The following RGS3 variants were observed in gnomAD, a reference collection of about 807,000 sequenced individuals.
RGS3 encodes regulator of G protein signaling 3, also known as regulator of G-protein signalling 3.
A neutral mutation model predicts 132.6 loss-of-function variants in RGS3; 80 were observed. The ratio of observed to expected loss-of-function variants is 0.60; its 90% CI spans 0.50 to 0.73. The LOEUF (loss-of-function observed/expected upper bound fraction) is 0.73, where lower values mean the gene tolerates loss of function less well. Ranked by LOEUF, RGS3 falls within the 30% of genes least tolerant of loss-of-function variation. The pLI is 0.00. For missense variants in RGS3, 1,382 were observed against 1,530.8 expected, an observed-to-expected ratio of 0.90 and a Z score of 1.62; for synonymous variants, 598 against 620.6, an observed-to-expected ratio of 0.96 and a Z score of 0.54.
At chr9:113,581,906 T>C in intron 19 of RGS3, 1 of 398,156 alleles carries the variant, frequency 2.5e-6, no homozygotes, top group Non-Finnish European at 3.4e-6. Context: ...GCCTAAGGCG[T>C]GCCCTTCCCG....
At chr9:113,479,385 T>C in intron 3 of RGS3, 106 bp from the exon 2 acceptor site, 1 of 1,148,254 alleles carries the variant, frequency 8.7e-7, no homozygotes, top group Non-Finnish European at 1.3e-6. Flanking sequence ...AGTCTTTGAA[T>C]GGCTTCACAT....
intron 7 of RGS3, among the ~76,000 whole-genome samples, chr9:113,491,270 A>AT (rs890202799): frequency 6.7e-6 from 1 of 148,860 alleles, no homozygotes; most frequent in African/African-American, 2.5e-5. Flanking sequence ...TTTTAAAGTA[A>AT]TTTTTTTTTC....
In RGS3 at chr9:113,484,327, C is replaced by CAAA. The variant is rs775299940; in HGVS notation, c.620+115_620+117dup. 165 of 85,090 alleles carry CAAA rather than the reference C, an allele frequency of 1.9e-3. 3 individuals are homozygous for CAAA. The highest frequency in any genetic ancestry group is 9.6e-3 in the African/African-American group (132 of 13,696). 5.3% of individuals were successfully genotyped at this position (85,090 alleles called of 1,614,324 possible). ...TGCCAAATCTAGAACTAGATCTATGCAAAAAAAAAAAAAAAAAAAAAACCA... is the reference window on the plus strand; with the variant it reads ...TGCCAAATCTAGAACTAGATCTATGCAAAAAAAAAAAAAAAAAAAAAAAAACCA... On this transcript the variant is annotated intron_variant, in intron 6 of 24. Transcript: ENST00000350696.
Position 113,540,773 on chromosome 9 carries a change from G to T in RGS3, c.2037+3855G>T, listed in dbSNP as rs77811538. ...TCTGGTGGCAGAGACAGACATGACAGATAGTTCAAAGTAACACAGTAAGCA... is the reference window on the plus strand; with the variant it reads ...TCTGGTGGCAGAGACAGACATGACATATAGTTCAAAGTAACACAGTAAGCA... On this transcript the variant is annotated intron_variant, in intron 19 of 24. Transcript: ENST00000350696. Among the ~76,000 whole-genome samples the T allele has an allele frequency of 3.3e-5, 5 of 152,366 alleles. No homozygotes were observed. In the East Asian group the frequency reaches 9.6e-4, roughly 29 times the overall value.
chr9:113,572,976 G>A (rs1002092630), intron 19 of RGS3, among the ~76,000 whole-genome samples: 1 of 152,256 alleles, frequency 6.6e-6, no homozygotes, highest in Non-Finnish European at 1.5e-5. Context: ...GGGAGCTGAT[G>A]ATGTCGATGA....
chr9:113,594,384 C>G, intron 21 of RGS3, 46 bp from the exon 20 acceptor site: 1 of 1,605,970 alleles, frequency 6.2e-7, no homozygotes, highest in Non-Finnish European at 8.5e-7. Flanking sequence ...TTTGCAGGGG[C>G]GAGTGGGCCA....
At chr9:113,448,324 C>A (rs1043664122) in intron 1 of RGS3, among the ~76,000 whole-genome samples, 12 of 152,174 alleles carry the variant, frequency 7.9e-5, no homozygotes, top group Non-Finnish European at 1.5e-5. Flanking sequence ...CTTCTCTCCC[C>A]CCAGCCCCAT....
chr9:113,565,231 G>A lies in RGS3; in HGVS notation c.2038-18219G>A, dbSNP rs1833941908. The A allele has an allele frequency of 7.8e-7, 1 of 1,282,306 alleles. No individual in the cohort carries two copies. The highest frequency in any genetic ancestry group is 1.5e-5 in the African/African-American group (1 of 65,656). The allele number at this position is 1,282,306 out of a possible 1,614,324, so 79.4% of individuals were successfully genotyped here. Reference sequence around the variant, plus strand: ...GTGGGCAGAAGGACGGGCTGGCCCAGGACCCTCTTCTTTGAGACATCCCGG... The same window carrying A: ...GTGGGCAGAAGGACGGGCTGGCCCAAGACCCTCTTCTTTGAGACATCCCGG... On this transcript the variant is annotated intron_variant, in intron 19 of 24. Coordinates refer to ENST00000350696, the Ensembl canonical transcript of RGS3. The surrounding 1 kb of genome is among the most constrained non-coding windows in gnomAD (Gnocchi z 5.7).
chr9:113,485,764 A>G, intron 7 of RGS3, 71 bp downstream of exon 5: 1 of 1,130,804 alleles, frequency 8.8e-7, no homozygotes, highest in Non-Finnish European at 1.3e-6. Flanking sequence ...TGGCCAGCAT[A>G]CACCAGGGGT....
intron 19 of RGS3, among the ~76,000 whole-genome samples, chr9:113,574,434 C>G (rs1045499665): frequency 2.6e-5 from 4 of 152,226 alleles, no homozygotes; most frequent in African/African-American, 4.8e-5. Flanking sequence ...AGAGATGGAC[C>G]TGGCATCTCC....
In RGS3 at chr9:113,463,269, C is replaced by G. The variant is rs7870008; in HGVS notation, c.415+1068C>G. Among the ~76,000 whole-genome samples, 1,978 of 152,328 alleles carry G rather than the reference C, an allele frequency of 0.013. 40 individuals are homozygous for G. Among genetic ancestry groups the G allele is most frequent in the African/African-American group, 0.045 (1,890 of 41,570 alleles). ...AGGATGCAGCATGGTGGGGGGCGAC[C>G]TGTCCAAGCGCAGAGAACACTTTTC... On this transcript the variant is annotated intron_variant, in intron 3 of 24. Transcript: ENST00000350696. This position sits in a 1 kb window ranked among gnomAD's most constrained non-coding sequence, Gnocchi z 4.6.
intron 18 of RGS3, among the ~76,000 whole-genome samples, chr9:113,530,031 G>A (rs969328955): frequency 1.3e-5 from 2 of 152,230 alleles, no homozygotes; most frequent in African/African-American, 4.8e-5. Context: ...ATTCACTGCA[G>A]GGCGGTGTCT....
intron 19 of RGS3, chr9:113,581,510 A>G (rs1385658314): frequency 2.0e-5 from 3 of 152,238 alleles, no homozygotes; most frequent in Non-Finnish European, 2.9e-5. Flanking sequence ...ATTTCCCTCT[A>G]GATCAATGCT....
At chr9:113,526,409 A>T (rs937255017) in intron 17 of RGS3, among the ~76,000 whole-genome samples, 1 of 152,222 alleles carries the variant, frequency 6.6e-6, no homozygotes, top group Non-Finnish European at 1.5e-5. Flanking sequence ...GCCTGGTGGA[A>T]TGCAGACGAG....
chr9:113,446,136 A>C (rs536612848), intron 1 of RGS3, among the ~76,000 whole-genome samples: 2 of 152,306 alleles, frequency 1.3e-5, no homozygotes, highest in African/African-American at 4.8e-5. Context: ...GATAGAAATG[A>C]TTAGAAGGTC....
At chr9:113,456,262 A>G (rs567442939), upstream of RGS3, among the ~76,000 whole-genome samples, 26 of 152,232 alleles carry the variant, frequency 1.7e-4, no homozygotes, top group Non-Finnish European at 2.5e-4. Context: ...TCCTAAATCT[A>G]TATTTCTAGC....
intron 3 of RGS3, among the ~76,000 whole-genome samples, chr9:113,472,244 C>T (rs1829857576): frequency 6.6e-6 from 1 of 152,130 alleles, no homozygotes; most frequent in Admixed American, 6.5e-5. Flanking sequence ...TTCCATTTGA[C>T]CCAGCAATTC....
chr9:113,582,201 C>T (rs572491370), intron 19 of RGS3: 6 of 985,454 alleles, frequency 6.1e-6, no homozygotes, highest in African/African-American at 5.2e-5. Context: ...TTCTCAGCTT[C>T]GAGCATGGCT....
intron 1 of RGS3, among the ~76,000 whole-genome samples, chr9:113,461,049 G>A (rs1238311621): frequency 6.6e-6 from 1 of 152,126 alleles, no homozygotes; most frequent in Non-Finnish European, 1.5e-5. Context: ...TATATAATGT[G>A]TGGGGTGTGT....
Sources: allele counts gnomAD v4.1 joint callset (sites outside exome capture counted in the v4.1 genomes callset), GRCh38; gene constraint gnomAD v4.1.1; non-coding constraint Gnocchi (gnomAD v3.1); transcripts MANE v1.5; gene names NCBI Gene and HGNC (gene_info 2026-07-23, HGNC 2026-07-21).